Variants in CPAMD8 observed in about 807,000 individuals in gnomAD.
CPAMD8 encodes C3 and PZP-like alpha-2-macroglobulin domain-containing protein 8.
A neutral mutation model predicts 224.7 loss-of-function variants in CPAMD8; 146 were observed. The observed-to-expected ratio is 0.65, with a 90% CI of 0.57 to 0.75. CPAMD8 has a LOEUF of 0.75. Among genes scored for constraint, CPAMD8 ranks in the 30% least tolerant of loss-of-function variants. CPAMD8 has a pLI of 0.00. For missense variants in CPAMD8, 2,301 were observed against 2,537.5 expected (o/e 0.91, Z 2.00); for synonymous variants, 966 against 1,044.6 (o/e 0.92, Z 1.45).
chr19:17,003,882 C>G (rs926170318), intron 8 of CPAMD8, among the ~76,000 whole-genome samples: 2 of 151,480 alleles, frequency 1.3e-5, no homozygotes, highest in South Asian at 4.2e-4. Flanking sequence ...CACCTCTTCA[C>G]TGCCATCTTC....
rs528903460 is a variant in CPAMD8 at position 16,996,647 on chromosome 19, C to T, written c.1095+464G>A. On this transcript the variant is annotated intron_variant, in intron 11 of 41. Coordinates refer to ENST00000443236, the MANE Select transcript of CPAMD8 (RefSeq NM_015692.5). ...CAGCCTGGCCAACATGGCGAAACCC[C>T]GTCTCTACTAAAAATACAAAAATTA... 1.2e-4 allele frequency among the ~76,000 whole-genome samples: 19 copies of T among 152,020 alleles called. No individual in the cohort carries two copies. In the East Asian group the frequency reaches 2.9e-3, roughly 23 times the overall value.
At chr19:16,991,190 G>C (rs371080550) in intron 12 of CPAMD8, among the ~76,000 whole-genome samples, 8 of 152,250 alleles carry the variant, frequency 5.3e-5, no homozygotes, top group African/African-American at 1.9e-4. Context: ...CTGGTTCTGT[G>C]CAGAGAACAC....
At chr19:16,902,468 G>A (rs978490617) in intron 35 of CPAMD8, among the ~76,000 whole-genome samples, 181 bp downstream of exon 35, 1 of 152,112 alleles carries the variant, frequency 6.6e-6, no homozygotes, top group African/African-American at 2.4e-5. Flanking sequence ...AGTGAGCCGA[G>A]ATCGCACCAT....
At position 16,990,595 on chromosome 19, in the gene CPAMD8, T is replaced by C. The variant is rs540723382; in HGVS notation, c.1267-824A>G. Reference sequence around the variant, plus strand: ...TAAAAAGAAGTTGGGCCAGGCGCGATGGCTCACGCCTGTAATCCCACCACT... The same window carrying C: ...TAAAAAGAAGTTGGGCCAGGCGCGACGGCTCACGCCTGTAATCCCACCACT... On this transcript the variant is annotated intron_variant, in intron 12 of 41. Transcript: ENST00000443236. 1.6e-4 allele frequency among the ~76,000 whole-genome samples: 24 copies of C among 152,108 alleles called. No individual in the cohort carries two copies. The South Asian group carries it at 3.3e-3, about 21-fold the overall frequency.
chr19:16,946,387 GT>G, intron 21 of CPAMD8, among the ~76,000 whole-genome samples: 1 of 144,320 alleles, frequency 6.9e-6, no homozygotes, highest in South Asian at 2.3e-4. Context: ...TTGTGTGTGT[GT>G]ATATGCATGT....
At chr19:16,981,979 G>T (rs1376969298) in intron 13 of CPAMD8, among the ~76,000 whole-genome samples, 1 of 152,196 alleles carries the variant, frequency 6.6e-6, no homozygotes, top group Admixed American at 6.6e-5. Context: ...ATTCTGGCCA[G>T]GGGCCATGGC....
intron 18 of CPAMD8, among the ~76,000 whole-genome samples, chr19:16,962,385 T>C (rs1377622971): frequency 6.6e-6 from 1 of 152,124 alleles, no homozygotes; most frequent in East Asian, 1.9e-4. Context: ...ACGAGAACTT[T>C]GTGACGCAGG....
intron 26 of CPAMD8, among the ~76,000 whole-genome samples, chr19:16,924,607 G>T (rs575528778): frequency 5.3e-5 from 8 of 152,220 alleles, no homozygotes; most frequent in East Asian, 1.9e-4. Flanking sequence ...TACAGTTGGG[G>T]TCTCACTCTG....
chr19:16,941,713 G>A (rs1568503083), intron 22 of CPAMD8, among the ~76,000 whole-genome samples: 1 of 152,170 alleles, frequency 6.6e-6, no homozygotes, highest in Admixed American at 6.5e-5. Context: ...GGTGGCTCAC[G>A]CCTGTAATCC....
intron 30 of CPAMD8, among the ~76,000 whole-genome samples, chr19:16,905,950 C>A (rs1006977807): frequency 2.0e-5 from 3 of 152,114 alleles, no homozygotes; most frequent in African/African-American, 7.2e-5. Context: ...GCTCACTCAG[C>A]AAGTGGAGGG....
rs71180341 is a variant in CPAMD8, at chr19:16,899,898, A to ATT, written c.4774-351_4774-350dup. 0.011 allele frequency among the ~76,000 whole-genome samples: 1,559 copies of ATT among 140,146 alleles called. 27 individuals are homozygous for ATT. The highest frequency in any genetic ancestry group is 0.035 in the African/African-American group (1,324 of 37,568). The allele number at this position is 140,146 out of a possible 152,430, so 91.9% of individuals were successfully genotyped here. A position where few individuals can be genotyped will look rare whatever the true frequency, so the allele number is the denominator to read the frequency against. On this transcript the variant is annotated intron_variant, in intron 36 of 41. Transcript: ENST00000443236. This position sits in a 1 kb window ranked among gnomAD's most constrained non-coding sequence, Gnocchi z 5.4. ...GTTCAAGTTCCCCTCCCAGCCTGGG[A>ATT]TTTTTTTTTTTTTTTCAGTTTTTGA... is the stretch of plus-strand genomic sequence containing the variant.
chr19:16,896,675 G>T lies in CPAMD8; in HGVS notation c.5066-10C>A. The T allele has an allele frequency of 7.0e-7, 1 of 1,438,830 alleles. No individual in the cohort carries two copies. Among genetic ancestry groups the T allele is most frequent in the Non-Finnish European group, 9.1e-7 (1 of 1,096,500 alleles). The allele number at this position is 1,438,830 out of a possible 1,614,324, so 89.1% of individuals were successfully genotyped here. A position where few individuals can be genotyped will look rare whatever the true frequency, so the allele number is the denominator to read the frequency against. ...TCGCCGGGGAACCAGCCTGGGGGAC[G>T]AGGCAGGCTCGACAGACCCCCCACC... On this transcript the variant is annotated splice_polypyrimidine_tract_variant and intron_variant, in intron 39 of 41. Transcript: ENST00000443236.
chr19:16,952,918 G>C lies in CPAMD8; in HGVS notation c.2277-718C>G, dbSNP rs1003407424. On this transcript the variant is annotated intron_variant, in intron 19 of 41. Coordinates refer to ENST00000443236, the MANE Select transcript of CPAMD8 (RefSeq NM_015692.5). ...ACATGGATCTCAAGGGATCCTGGTG[G>C]CCAAACAAAGAAACCAGAAGAATAA... Among the ~76,000 whole-genome samples the C allele has an allele frequency of 2.0e-5, 3 of 152,108 alleles. No individual in the cohort carries two copies. In the South Asian group the frequency reaches 6.2e-4, roughly 32 times the overall value.
At position 16,929,020 on chromosome 19, in the gene CPAMD8, G is replaced by A. The variant is rs769598189; in HGVS notation, c.3066C>T (p.Ala1022=). The A allele has an allele frequency of 7.4e-6, 12 of 1,613,936 alleles. No individual in the cohort carries two copies. The highest frequency in any genetic ancestry group is 1.7e-5 in the Admixed American group (1 of 59,994). ...ISTSKMGEPV[A]SAHTAKILSW... is the part of the protein sequence containing the mutation. ...AGAGGATCTTGGCCGTGTGTGCACT[G>A]GCCACGGGCTCTCCCATCTTGCTGG... Residue 1022 remains alanine (A), a synonymous_variant, in exon 24 of 42, where the codon GCC becomes GCT. Coordinates refer to ENST00000443236, the MANE Select transcript of CPAMD8 (RefSeq NM_015692.5).
rs1273986763 is a variant in CPAMD8 at position 16,898,290 on chromosome 19, G to A, written c.4849-296C>T. On this transcript the variant is annotated intron_variant, in intron 37 of 41. Coordinates refer to ENST00000443236, the MANE Select transcript of CPAMD8 (RefSeq NM_015692.5). The surrounding 1 kb of genome is among the most constrained non-coding windows in gnomAD (Gnocchi z 4.2). ...CTCCCAAGTAGCTGGGATAACAGGC[G>A]CCCACCACCGCACCCTGCTAATTTT... Among the ~76,000 whole-genome samples, 2 of 151,686 alleles carry A rather than the reference G, an allele frequency of 1.3e-5. No individual in the cohort carries two copies. The highest frequency in any genetic ancestry group is 6.6e-5 in the Admixed American group (1 of 15,228).
chr19:16,957,890 A>T lies in CPAMD8; in HGVS notation c.2239T>A (p.Phe747Ile). The change falls in exon 19 of 42, where the codon TTC becomes ATC. Residue 747 changes from phenylalanine to isoleucine, a missense_variant. This residue lies in a region of CPAMD8 where 1,709 missense variants were observed against 1,753.2 expected (regional missense o/e 0.97). Transcript: ENST00000443236. ...CAATGCCAAATCCATGTTTCGGGGA[A>T]GAAAGTCCTTTTTCTCTTCTCTGTT... ...PRTEKRKRTF[F>I]PETWIWHCLN... is the part of the protein sequence containing the mutation. 3 of 1,614,178 alleles carry T rather than the reference A, an allele frequency of 1.9e-6. No individual in the cohort carries two copies. Among genetic ancestry groups the T allele is most frequent in the Non-Finnish European group, 2.5e-6 (3 of 1,180,008 alleles).
rs116986424 is a variant in CPAMD8 at position 17,008,212 on chromosome 19, C to T, written c.559+293G>A. On this transcript the variant is annotated intron_variant, in intron 7 of 41. Transcript: ENST00000443236. ...TGAGAGCAGGTGCCCCAGTATTCCA[C>T]AAAGGTCTTGAGTTCTGAGCAGGAG... 6.7e-3 allele frequency among the ~76,000 whole-genome samples: 1,027 copies of T among 152,234 alleles called. 8 individuals carry two copies. The highest frequency in any genetic ancestry group is 0.024 in the Middle Eastern group (7 of 294).
intron 8 of CPAMD8, among the ~76,000 whole-genome samples, chr19:17,002,907 T>TTC (rs1336348301): frequency 3.4e-5 from 5 of 148,824 alleles, no homozygotes; most frequent in African/African-American, 7.5e-5. Flanking sequence ...TTTCTTTTCT[T>TTC]TTCTTTTTTT....
chr19:17,002,266 C>A lies in CPAMD8; in HGVS notation c.758G>T (p.Arg253Met), dbSNP rs1269495414. ...DACETGTVRARYTFGKPVAGA... is the reference protein window; with the variant it reads ...DACETGTVRAMYTFGKPVAGA... The stretch of plus-strand genomic sequence containing the variant: ...TGCCCCAGGGGTCCCTCTTTCTCAC[C>A]TGGCCCGCACAGTGCCTGTCTCACA... Residue 253 changes from arginine (R) to methionine (M), a missense_variant and splice_region_variant, in exon 9 of 42, where the codon AGG (arginine) becomes ATG (methionine). Around this residue, in one of 4 missense-constraint regions of CPAMD8, gnomAD observed 283 missense variants for 340.6 expected, o/e 0.83. Coordinates refer to ENST00000443236, the MANE Select transcript of CPAMD8 (RefSeq NM_015692.5). 5 of 1,589,046 alleles carry A rather than the reference C, an allele frequency of 3.1e-6. No homozygotes were observed. The highest frequency in any genetic ancestry group is 4.3e-6 in the Non-Finnish European group (5 of 1,164,616).
Sources: allele counts gnomAD v4.1 joint callset (sites outside exome capture counted in the v4.1 genomes callset), GRCh38; gene constraint gnomAD v4.1.1; regional missense constraint gnomAD v4.1.1; non-coding constraint Gnocchi (gnomAD v3.1); transcripts MANE v1.5; gene names NCBI Gene and HGNC (gene_info 2026-07-23, HGNC 2026-07-21).